The following CCDC63 variants were observed in gnomAD, a reference collection of about 807,000 sequenced individuals.
CCDC63 encodes coiled-coil domain-containing protein 63.
In CCDC63, 54 loss-of-function variants were observed where a neutral mutation model predicts 63.6. The observed-to-expected ratio is 0.85, with a 90% CI of 0.68 to 1.07. The LOEUF (loss-of-function observed/expected upper bound fraction) is 1.07, where lower values mean the gene tolerates loss of function less well. Ranked by LOEUF, CCDC63 falls within the 50% of genes least tolerant of loss-of-function variation. CCDC63 has a pLI of 0.00. For missense variants in CCDC63, 637 were observed against 689.6 expected (o/e 0.92, Z 0.86); for synonymous variants, 253 against 266.1 (o/e 0.95, Z 0.48).
At chr12:110,881,707 A>C (rs1233668738) in intron 7 of CCDC63, among the ~76,000 whole-genome samples, 1 of 145,832 alleles carries the variant, frequency 6.9e-6, no homozygotes. Flanking sequence ...GGGCAACAGA[A>C]TAAGACTCTC....
In CCDC63 at chr12:110,904,715, C is replaced by T. The variant is rs747497345; in HGVS notation, c.1470C>T (p.Leu490=). 7 of 1,614,126 alleles carry T rather than the reference C, an allele frequency of 4.3e-6. No individual in the cohort carries two copies. In the Admixed American group the frequency reaches 1.2e-4, roughly 27 times the overall value. ...ACCCTTTCTGGGGTGGCTCTGCCCTCCTCAAGCCCCCAGAACCCATCAAAG... is the reference window on the plus strand; with the variant it reads ...ACCCTTTCTGGGGTGGCTCTGCCCTTCTCAAGCCCCCAGAACCCATCAAAG... ...FINPFWGGSA[L]LKPPEPIKVI... Residue 490 remains leucine (L), a synonymous_variant, in exon 11 of 12, where the codon CTC becomes CTT. Transcript: ENST00000308208.
chr12:110,904,622 G>A lies in CCDC63; in HGVS notation c.1377G>A (p.Leu459=), dbSNP rs141920499. 2.5e-6 allele frequency: 4 copies of A among 1,614,094 alleles called. No homozygotes were observed. Among genetic ancestry groups the A allele is most frequent in the Non-Finnish European group, 3.4e-6 (4 of 1,180,016 alleles). Residue 459 remains leucine, a synonymous_variant, in exon 11 of 12, where the codon CTG becomes CTA. Transcript: ENST00000308208. ...AAAAGAAGACCAACGACCTGCTGCT[G>A]TTGGAGACCTACAGGCGCATCCTGG... is the stretch of plus-strand genomic sequence containing the variant. The part of the protein sequence containing the change: ...IIEKKTNDLL[L]LETYRRILEV...
Position 110,907,227 on chromosome 12 carries a change from T to C in CCDC63, c.1547-104T>C. 6.3e-6 allele frequency: 7 copies of C among 1,112,484 alleles called. No homozygotes were observed. In the Admixed American group the frequency reaches 7.6e-5, roughly 12 times the overall value. The allele number at this position is 1,112,484 out of a possible 1,614,324, so 68.9% of individuals were successfully genotyped here. The stretch of plus-strand genomic sequence containing the variant: ...TCCCCCTCCTTGAAACCTGAGAATT[T>C]CCATGCTCCACTCCCCAGTGCTATG... On this transcript the variant is annotated intron_variant, in intron 11 of 11. Coordinates refer to ENST00000308208, the MANE Select transcript of CCDC63 (RefSeq NM_152591.3). This position sits in a 1 kb window ranked among gnomAD's most constrained non-coding sequence, Gnocchi z 4.4.
At chr12:110,871,484 CTCCTTCCT>C (rs35694724) in intron 4 of CCDC63, among the ~76,000 whole-genome samples, 1 of 149,080 alleles carries the variant, frequency 6.7e-6, no homozygotes, top group Admixed American at 6.7e-5. Flanking sequence ...AACCATAACA[CTCCTTCCT>C]TCCTTCCTTC....
intron 11 of CCDC63, among the ~76,000 whole-genome samples, chr12:110,905,836 G>A (rs970185262): frequency 9.3e-5 from 11 of 118,224 alleles, no homozygotes; most frequent in African/African-American, 3.6e-4. Flanking sequence ...ACACACACGT[G>A]TATGTATATA....
At chr12:110,848,469 C>A (rs1219304669) in intron 1 of CCDC63, among the ~76,000 whole-genome samples, 1 of 152,136 alleles carries the variant, frequency 6.6e-6, no homozygotes, top group African/African-American at 2.4e-5. Flanking sequence ...ACATCTGGAA[C>A]CTGAAGAGAA....
At chr12:110,898,617 C>CAA (rs34918640) in intron 9 of CCDC63, among the ~76,000 whole-genome samples, 4 of 79,932 alleles carry the variant, frequency 5.0e-5, no homozygotes, top group African/African-American at 1.2e-4. Flanking sequence ...GACTCTGTCT[C>CAA]AAAAAAAAAA....
chr12:110,885,190 A>G (rs1338780220), intron 8 of CCDC63, among the ~76,000 whole-genome samples: 3 of 150,438 alleles, frequency 2.0e-5, no homozygotes, highest in Non-Finnish European at 4.4e-5. Context: ...AAAAAAAAAA[A>G]AGAGAGAGAG....
chr12:110,868,749 G>GAGGGGA (rs1230660488), intron 4 of CCDC63, among the ~76,000 whole-genome samples: 1 of 104,908 alleles, frequency 9.5e-6, no homozygotes, highest in Non-Finnish European at 2.0e-5. Context: ...GGGAGAGGGG[G>GAGGGGA]AGGGGAAGGG....
intron 4 of CCDC63, among the ~76,000 whole-genome samples, chr12:110,871,282 C>T (rs1414901554): frequency 6.6e-6 from 1 of 152,152 alleles, no homozygotes; most frequent in African/African-American, 2.4e-5. Flanking sequence ...GCTGGGACTA[C>T]TGGCGCCCGC....
chr12:110,866,906 C>T lies in CCDC63; in HGVS notation c.370-6936C>T, dbSNP rs1392344304. ...CCCAGTAGGGGCGGCCGGGCAGAGG[C>T]GCCCCTCACCTCCGGGACGGGGCGG... On this transcript the variant is annotated intron_variant, in intron 4 of 11. Transcript: ENST00000308208. Among the ~76,000 whole-genome samples, 176 of 148,552 alleles carry T rather than the reference C, an allele frequency of 1.2e-3. 1 individual carries two copies. The highest frequency in any genetic ancestry group is 4.1e-3 in the African/African-American group (167 of 40,448).
chr12:110,872,983 C>T (rs2071085357), intron 4 of CCDC63, among the ~76,000 whole-genome samples: 1 of 152,164 alleles, frequency 6.6e-6, no homozygotes, highest in Non-Finnish European at 1.5e-5. Context: ...CCTGTAATCC[C>T]AGCACTTTGG....
At chr12:110,851,863 G>A (rs1171593633) in intron 1 of CCDC63, among the ~76,000 whole-genome samples, 1 of 152,180 alleles carries the variant, frequency 6.6e-6, no homozygotes, top group Non-Finnish European at 1.5e-5. Flanking sequence ...TCCAGGTGAG[G>A]AAAATGAGGA....
At chr12:110,867,160 T>C (rs2070968090) in intron 4 of CCDC63, among the ~76,000 whole-genome samples, 1 of 132,746 alleles carries the variant, frequency 7.5e-6, no homozygotes, top group African/African-American at 2.9e-5. Context: ...AGGGGGCGGC[T>C]GGCCGGGCGG....
At chr12:110,866,380 G>A (rs2070948786) in intron 4 of CCDC63, among the ~76,000 whole-genome samples, 1 of 148,112 alleles carries the variant, frequency 6.8e-6, no homozygotes, top group Admixed American at 6.8e-5. Context: ...GGATTTGGCA[G>A]GGTCATGGGA....
Position 110,884,161 on chromosome 12 carries a change from AAGG to A in CCDC63, c.991_993del (p.Glu331del), listed in dbSNP as rs1243789982. On this transcript the variant is annotated inframe_deletion, in exon 8 of 12. Transcript: ENST00000308208. The stretch of plus-strand genomic sequence containing the variant: ...CCAGCTCATTGAAGATTTTCTGGCC[AAGG>A]AGGAGAAGAATTTTGCTCGGTTCAC... 1.9e-6 allele frequency: 3 copies of A among 1,614,008 alleles called. No homozygotes were observed. Among genetic ancestry groups the A allele is most frequent in the Non-Finnish European group, 2.5e-6 (3 of 1,180,032 alleles).
chr12:110,857,591 A>T (rs2070790612), intron 3 of CCDC63, among the ~76,000 whole-genome samples: 1 of 152,200 alleles, frequency 6.6e-6, no homozygotes, highest in Admixed American at 6.5e-5. Context: ...ACTGATCCGC[A>T]AACCACATTG....
chr12:110,876,167 A>G (rs1300828422), intron 5 of CCDC63, among the ~76,000 whole-genome samples: 1 of 150,968 alleles, frequency 6.6e-6, no homozygotes, highest in Non-Finnish European at 1.5e-5. Context: ...GTCTCAGAGT[A>G]CCCCATGGTC....
intron 10 of CCDC63, among the ~76,000 whole-genome samples, chr12:110,903,560 C>T (rs1188875237): frequency 6.6e-6 from 1 of 152,168 alleles, no homozygotes; most frequent in Admixed American, 6.5e-5. Context: ...TGTTTTTCCT[C>T]CATTGCATCC....
Sources: allele counts gnomAD v4.1 joint callset (sites outside exome capture counted in the v4.1 genomes callset), GRCh38; gene constraint gnomAD v4.1.1; non-coding constraint Gnocchi (gnomAD v3.1); transcripts MANE v1.5; gene names NCBI Gene and HGNC (gene_info 2026-07-23, HGNC 2026-07-21).